NCALD: variants seen among roughly 807,000 people sequenced by gnomAD.
NCALD encodes neurocalcin-delta.
NCALD carries 10 observed loss-of-function variants against 18.6 expected under a neutral mutation model. The ratio of observed to expected loss-of-function variants is 0.54; its 90% CI spans 0.33 to 0.91. NCALD has a LOEUF of 0.91. Ranked by LOEUF, NCALD falls within the 40% of genes least tolerant of loss-of-function variation. The pLI is 0.03. For synonymous variants in NCALD, 88 were observed against 87.4 expected (o/e 1.01, Z -0.04); for missense variants, 184 against 247.6 (o/e 0.74, Z 1.72).
chr8:101,759,785 C>T (rs1811037004), intron 1 of NCALD, among the ~76,000 whole-genome samples: 1 of 152,152 alleles, frequency 6.6e-6, no homozygotes, highest in Non-Finnish European at 1.5e-5. Context: ...TACAGCTACT[C>T]CCAAAACTTG....
intron 1 of NCALD, among the ~76,000 whole-genome samples, chr8:102,073,258 G>A (rs1205176583): frequency 3.3e-5 from 5 of 152,046 alleles, no homozygotes; most frequent in African/African-American, 4.8e-5. Context: ...CCAAGATCGC[G>A]TCACTGCATT....
At chr8:101,798,141 C>T (rs1047034641) in intron 4 of NCALD, among the ~76,000 whole-genome samples, 1 of 152,036 alleles carries the variant, frequency 6.6e-6, no homozygotes, top group East Asian at 1.9e-4. Flanking sequence ...CAACAGCATG[C>T]CAAAAGTTCT....
intron 4 of NCALD, among the ~76,000 whole-genome samples, chr8:101,858,004 T>C (rs1815388481): frequency 6.6e-6 from 1 of 152,204 alleles, no homozygotes; most frequent in South Asian, 2.1e-4. Context: ...ATGGGATAGA[T>C]ATTGATTCAG....
In NCALD at chr8:101,719,665, A is replaced by T. The variant is rs774469283; in HGVS notation, c.-19-17T>A. 6.5e-7 allele frequency: 1 copy of T among 1,529,628 alleles called. No individual in the cohort carries two copies. The highest frequency in any genetic ancestry group is 8.7e-7 in the Non-Finnish European group (1 of 1,144,552). 94.8% of individuals were successfully genotyped at this position (1,529,628 alleles called of 1,614,324 possible). On this transcript the variant is annotated splice_polypyrimidine_tract_variant and intron_variant, in intron 1 of 3. Transcript: ENST00000220931. ...AGAATTCAGCTGCAGATAGAAAAGA[A>T]AACATATATAATTTGTAGAGCTGCT...
At chr8:101,792,353 G>A (rs565661746), upstream of NCALD, among the ~76,000 whole-genome samples, 11 of 152,090 alleles carry the variant, frequency 7.2e-5, no homozygotes, top group Non-Finnish European at 1.2e-4. Context: ...TCATAGAATC[G>A]TCCTACTCCA....
intron 4 of NCALD, among the ~76,000 whole-genome samples, chr8:101,796,124 G>A (rs909504276): frequency 1.3e-5 from 2 of 152,144 alleles, no homozygotes; most frequent in African/African-American, 4.8e-5. Context: ...ATGAAAAACA[G>A]GAAATAGATG....
intron 1 of NCALD, among the ~76,000 whole-genome samples, chr8:102,052,650 C>T (rs1302110349): frequency 2.0e-5 from 3 of 152,236 alleles, no homozygotes; most frequent in Non-Finnish European, 2.9e-5. Context: ...CTCACCTCTT[C>T]GGCTTTGTTT....
At chr8:101,872,995 T>C (rs961627578) in intron 4 of NCALD, among the ~76,000 whole-genome samples, 1 of 152,252 alleles carries the variant, frequency 6.6e-6, no homozygotes, top group Non-Finnish European at 1.5e-5. Flanking sequence ...ACTAATGCTT[T>C]GCTTCTGCAA....
intron 2 of NCALD, among the ~76,000 whole-genome samples, chr8:101,944,622 C>T (rs1819097241): frequency 6.6e-6 from 1 of 152,210 alleles, no homozygotes; most frequent in Non-Finnish European, 1.5e-5. Context: ...TCCCTTTTCC[C>T]ATTGGGCAGT....
intron 4 of NCALD, among the ~76,000 whole-genome samples, chr8:101,816,978 A>T (rs1363588468): frequency 2.0e-5 from 3 of 152,186 alleles, no homozygotes; most frequent in Non-Finnish European, 4.4e-5. Flanking sequence ...CTTTAAAAAA[A>T]AAACGAAATC....
At chr8:101,701,496 G>A (rs1815264871) in intron 2 of NCALD, among the ~76,000 whole-genome samples, 1 of 152,192 alleles carries the variant, frequency 6.6e-6, no homozygotes, top group Admixed American at 6.5e-5. Flanking sequence ...GCTTGAGACA[G>A]CTCCCCAGTG....
At chr8:101,891,746 G>A (rs2131511516) in intron 3 of NCALD, among the ~76,000 whole-genome samples, 1 of 152,194 alleles carries the variant, frequency 6.6e-6, no homozygotes, top group East Asian at 1.9e-4. Flanking sequence ...CAAAGAAAGG[G>A]GTGATGGACG....
At chr8:101,926,155 CAAG>C (rs1818329977) in intron 2 of NCALD, among the ~76,000 whole-genome samples, 1 of 152,170 alleles carries the variant, frequency 6.6e-6, no homozygotes, top group African/African-American at 2.4e-5. Context: ...CTGCAGCCAA[CAAG>C]AACAAGAACA....
chr8:102,075,683 G>T (rs111366040), intron 1 of NCALD, among the ~76,000 whole-genome samples: 1 of 152,064 alleles, frequency 6.6e-6, no homozygotes, highest in African/African-American at 2.4e-5. Context: ...GGCTAGGTGC[G>T]GTAGCTCATG....
chr8:101,711,159 AC>A (rs1815773546), intron 2 of NCALD, among the ~76,000 whole-genome samples: 2 of 152,198 alleles, frequency 1.3e-5, no homozygotes, highest in South Asian at 4.1e-4. Context: ...ACTCCAGCAG[AC>A]CTGCAGAAGA....
At chr8:102,109,824 T>C (rs1825585987) in intron 1 of NCALD, among the ~76,000 whole-genome samples, 1 of 152,158 alleles carries the variant, frequency 6.6e-6, no homozygotes, top group Non-Finnish European at 1.5e-5. Context: ...ATATGCACAA[T>C]ATAGAAAATT....
At chr8:101,975,853 A>G (rs186982601) in intron 2 of NCALD, among the ~76,000 whole-genome samples, 9 of 151,984 alleles carry the variant, frequency 5.9e-5, no homozygotes, top group African/African-American at 1.7e-4. Context: ...TTCTCTTTGT[A>G]TTTCACCTTC....
At chr8:101,909,974 A>G (rs182088246) in intron 3 of NCALD, among the ~76,000 whole-genome samples, 189 of 152,306 alleles carry the variant, frequency 1.2e-3, no homozygotes, top group African/African-American at 4.4e-3. Context: ...ATTGCCTATC[A>G]TGGTGCCTAG....
At chr8:102,100,848 T>G (rs1041130215) in intron 1 of NCALD, among the ~76,000 whole-genome samples, 6 of 151,332 alleles carry the variant, frequency 4.0e-5, no homozygotes, top group Admixed American at 3.9e-4. Context: ...GTGCCTAGAG[T>G]AGTCAAATTC....
Sources: allele counts gnomAD v4.1 joint callset (sites outside exome capture counted in the v4.1 genomes callset), GRCh38; gene constraint gnomAD v4.1.1; transcripts MANE v1.5; gene names NCBI Gene and HGNC (gene_info 2026-07-23, HGNC 2026-07-21).